FHIT: variants seen among roughly 807,000 people sequenced by gnomAD.
FHIT encodes the protein fragile histidine triad diadenosine triphosphatase, also known as bis(5'-adenosyl)-triphosphatase.
FHIT carries 19 observed loss-of-function variants against 17.9 expected under a neutral mutation model. The observed-to-expected ratio is 1.06, with a 90% CI of 0.74 to 1.56. The LOEUF is 1.56. Among genes scored for constraint, FHIT ranks in the 40% most tolerant of loss-of-function variants. FHIT has a pLI of 0.00. For synonymous variants in FHIT, 81 were observed against 69.7 expected (o/e 1.16, Z -0.81); for missense variants, 248 against 189.2 (o/e 1.31, Z -1.82).
intron 2 of FHIT, among the ~76,000 whole-genome samples, chr3:61,108,369 A>C (rs2036052912): frequency 6.6e-6 from 1 of 152,192 alleles, no homozygotes; most frequent in Non-Finnish European, 1.5e-5. Context: ...CTCAACACTT[A>C]CTTCCTAGAG....
Position 60,180,326 on chromosome 3 carries a change from G to C in FHIT, c.104-166174C>G, listed in dbSNP as rs117280673. On this transcript the variant is annotated intron_variant, in intron 5 of 9. Coordinates refer to ENST00000492590, the MANE Select transcript of FHIT (RefSeq NM_002012.4). ...ATGCTGAAGTTATAAAAAGGAGAAA[G>C]AGAAAAACTTCACACCTGCAACAGC... Among the ~76,000 whole-genome samples, 394 of 152,248 alleles carry C rather than the reference G, an allele frequency of 2.6e-3. 19 individuals carry two copies. The East Asian group carries it at 0.071, about 27-fold the overall frequency.
chr3:59,778,923 G>A (rs1702450851), intron 8 of FHIT, among the ~76,000 whole-genome samples: 1 of 152,268 alleles, frequency 6.6e-6, no homozygotes, highest in East Asian at 1.9e-4. Context: ...GCTTTTGTAA[G>A]AAACCTCACA....
chr3:60,437,193 G>C (rs942479048), intron 5 of FHIT, among the ~76,000 whole-genome samples: 2 of 152,070 alleles, frequency 1.3e-5, no homozygotes, highest in African/African-American at 2.4e-5. Context: ...TTGATCAATA[G>C]TTGGCATAAA....
At chr3:60,700,587 CA>C (rs782248828) in intron 4 of FHIT, among the ~76,000 whole-genome samples, 28 of 152,124 alleles carry the variant, frequency 1.8e-4, no homozygotes, top group Middle Eastern at 3.4e-3. Context: ...TTTAAATATA[CA>C]TTTTCACATC....
intron 5 of FHIT, among the ~76,000 whole-genome samples, chr3:60,510,021 G>T (rs545950075): frequency 6.6e-6 from 1 of 152,110 alleles, no homozygotes; most frequent in East Asian, 1.9e-4. Context: ...TACAAAGAGC[G>T]CCCATCCCAG....
intron 5 of FHIT, among the ~76,000 whole-genome samples, chr3:60,324,573 G>GGAAAAAAAAAAA (rs757433390): frequency 5.4e-5 from 7 of 128,858 alleles, no homozygotes; most frequent in African/African-American, 1.8e-4. Context: ...GACTCCATCA[G>GGAAAAAAAAAAA]AAAAAAAAAA....
chr3:60,695,919 C>G (rs1292026898), intron 4 of FHIT, among the ~76,000 whole-genome samples: 1 of 152,180 alleles, frequency 6.6e-6, no homozygotes, highest in African/African-American at 2.4e-5. Context: ...GTCTGACAAA[C>G]TATTCAGCTG....
chr3:59,905,093 G>C (rs1351867991), intron 8 of FHIT, among the ~76,000 whole-genome samples: 3 of 152,162 alleles, frequency 2.0e-5, no homozygotes, highest in African/African-American at 7.2e-5. Flanking sequence ...ACTTGAGGTG[G>C]GGTTTCACTG....
At chr3:60,201,964 G>T (rs1300099982) in intron 5 of FHIT, among the ~76,000 whole-genome samples, 1 of 152,186 alleles carries the variant, frequency 6.6e-6, no homozygotes, top group African/African-American at 2.4e-5. Flanking sequence ...CATAGCAAGA[G>T]ATGGCTGCCT....
chr3:59,987,577 T>C (rs933413359), intron 7 of FHIT, among the ~76,000 whole-genome samples: 27 of 152,052 alleles, frequency 1.8e-4, no homozygotes, highest in Non-Finnish European at 3.2e-4. Flanking sequence ...AGTTTTATAC[T>C]GTAAGCTCAT....
intron 4 of FHIT, among the ~76,000 whole-genome samples, chr3:60,762,995 T>A (rs190987254): frequency 4.5e-4 from 69 of 152,306 alleles, no homozygotes; most frequent in African/African-American, 1.7e-3. Flanking sequence ...GCTACACCAT[T>A]ACACCATTCT....
At chr3:60,398,012 G>A (rs574797335) in intron 5 of FHIT, among the ~76,000 whole-genome samples, 32 of 152,148 alleles carry the variant, frequency 2.1e-4, no homozygotes, top group Non-Finnish European at 3.7e-4. Flanking sequence ...TAGGGGAACC[G>A]CTCCCCACAT....
chr3:61,057,860 A>G (rs997039105), intron 2 of FHIT, among the ~76,000 whole-genome samples: 1 of 152,212 alleles, frequency 6.6e-6, no homozygotes, highest in Non-Finnish European at 1.5e-5. Context: ...ATGCCAACAA[A>G]TGTAAACAAG....
chr3:60,435,526 C>T (rs889332817), intron 5 of FHIT, among the ~76,000 whole-genome samples: 27 of 151,844 alleles, frequency 1.8e-4, no homozygotes, highest in African/African-American at 6.0e-4. Flanking sequence ...GTTACATTGG[C>T]GAGGAAGCTA....
intron 7 of FHIT, among the ~76,000 whole-genome samples, chr3:59,927,899 C>A (rs1178747710): frequency 6.6e-6 from 1 of 152,256 alleles, no homozygotes; most frequent in Non-Finnish European, 1.5e-5. Flanking sequence ...GCTGTCTCTG[C>A]TCCTTCCACC....
At chr3:60,521,858 G>C (rs946068997) in intron 5 of FHIT, among the ~76,000 whole-genome samples, 1 of 152,168 alleles carries the variant, frequency 6.6e-6, no homozygotes, top group African/African-American at 2.4e-5. Context: ...GGCAGGCAGA[G>C]CTCTTTCTTC....
intron 5 of FHIT, among the ~76,000 whole-genome samples, chr3:60,322,718 G>T (rs942149784): frequency 5.9e-5 from 9 of 152,160 alleles, no homozygotes; most frequent in African/African-American, 2.2e-4. Flanking sequence ...GATCACATGG[G>T]TAGTCACAAC....
At chr3:60,365,930 C>T (rs1198179222) in intron 5 of FHIT, among the ~76,000 whole-genome samples, 1 of 152,162 alleles carries the variant, frequency 6.6e-6, no homozygotes, top group Admixed American at 6.5e-5. Flanking sequence ...TTCATAGATG[C>T]TAATGCCTCT....
At chr3:60,538,898 A>G (rs2036082643) in intron 4 of FHIT, among the ~76,000 whole-genome samples, 2 of 152,108 alleles carry the variant, frequency 1.3e-5, no homozygotes, top group Non-Finnish European at 2.9e-5. Flanking sequence ...CTTCATGTCT[A>G]AAACACCAAA....
Sources: gnomAD v4.1 joint callset for allele counts (sites outside exome capture counted in the v4.1 genomes callset) on GRCh38, gnomAD v4.1.1 for gene constraint, MANE v1.5 for transcripts, NCBI Gene and HGNC (gene_info 2026-07-23, HGNC 2026-07-21) for gene names.